COL15A1: variants seen among roughly 807,000 people sequenced by gnomAD.
The protein encoded by COL15A1 is collagen alpha-1(XV) chain.
A neutral mutation model predicts 165.9 loss-of-function variants in COL15A1; 111 were observed. That is an observed-to-expected ratio of 0.67 (90% CI 0.57 to 0.78). COL15A1 has a LOEUF of 0.78. COL15A1 is among the 30% of genes least tolerant of loss of function. The probability of loss-of-function intolerance (pLI) is 0.00; values close to 1 mark genes in which losing one functional copy is unlikely to be tolerated. For missense variants in COL15A1, 1,745 were observed against 1,789.7 expected (o/e 0.98, Z 0.45); for synonymous variants, 659 against 674.8 (o/e 0.98, Z 0.36).
chr9:99,000,105 A>T (rs936091283), intron 6 of COL15A1, among the ~76,000 whole-genome samples: 3 of 152,150 alleles, frequency 2.0e-5, no homozygotes, highest in Non-Finnish European at 4.4e-5. Context: ...TCCTGACCTC[A>T]AGTGATCTGC....
At chr9:99,031,840 C>T (rs1016451715) in intron 16 of COL15A1, among the ~76,000 whole-genome samples, 2 of 152,170 alleles carry the variant, frequency 1.3e-5, no homozygotes, top group South Asian at 2.1e-4. Flanking sequence ...CCTATTTCCT[C>T]TTTAATTATT....
chr9:98,988,954 A>C (rs990109506), intron 4 of COL15A1, among the ~76,000 whole-genome samples: 7 of 151,692 alleles, frequency 4.6e-5, no homozygotes, highest in African/African-American at 1.7e-4. Context: ...AAAATAAATA[A>C]ATAAAACAAA....
chr9:99,066,820 GGT>G, intron 39 of COL15A1, 60 bp from the exon 40 acceptor site: 1 of 1,455,742 alleles, frequency 6.9e-7, no homozygotes, highest in South Asian at 1.3e-5. Flanking sequence ...AATGTGAGAT[GGT>G]TCTGGGGGCT....
chr9:99,035,594 A>G (rs909002573), intron 19 of COL15A1, among the ~76,000 whole-genome samples, 176 bp downstream of exon 19: 2 of 152,184 alleles, frequency 1.3e-5, no homozygotes, highest in Admixed American at 6.5e-5. Flanking sequence ...GTCTTTGAGG[A>G]ACAGCATAGA....
chr9:99,066,624 T>TTTTTTTTTA (rs1296354575), intron 39 of COL15A1, among the ~76,000 whole-genome samples: 1 of 141,170 alleles, frequency 7.1e-6, no homozygotes, highest in Non-Finnish European at 1.5e-5. Flanking sequence ...TTTTTTTTTT[T>TTTTTTTTTA]CACCTAAGGA....
intron 7 of COL15A1, among the ~76,000 whole-genome samples, chr9:99,003,184 A>C (rs1374245393): frequency 2.6e-5 from 4 of 152,266 alleles, no homozygotes; most frequent in Non-Finnish European, 5.9e-5. Flanking sequence ...CAGTAGAAGT[A>C]TCTAGAGCTA....
intron 39 of COL15A1, among the ~76,000 whole-genome samples, chr9:99,064,169 A>G (rs1290524696): frequency 6.6e-6 from 1 of 152,064 alleles, no homozygotes; most frequent in Non-Finnish European, 1.5e-5. Context: ...TCACCCTGGC[A>G]CTGATTCTTG....
At chr9:99,024,396 G>A (rs377406954) in intron 14 of COL15A1, among the ~76,000 whole-genome samples, 3 of 149,646 alleles carry the variant, frequency 2.0e-5, no homozygotes, top group Admixed American at 6.7e-5. Context: ...TCCATTCTCC[G>A]GCCTCAGCCT....
intron 35 of COL15A1, among the ~76,000 whole-genome samples, chr9:99,058,651 T>G (rs1825765130): frequency 6.6e-6 from 1 of 152,236 alleles, no homozygotes; most frequent in African/African-American, 2.4e-5. Flanking sequence ...CATTATCCCA[T>G]GTAGTCTTCA....
At chr9:99,006,345 G>T (rs1770807922) in intron 9 of COL15A1, among the ~76,000 whole-genome samples, 1 of 152,220 alleles carries the variant, frequency 6.6e-6, no homozygotes, top group African/African-American at 2.4e-5. Flanking sequence ...CTTCATTCCT[G>T]ACCAATGATA....
chr9:98,959,388 AG>A (rs1204366243), intron 2 of COL15A1, among the ~76,000 whole-genome samples: 2 of 152,020 alleles, frequency 1.3e-5, no homozygotes, highest in African/African-American at 2.4e-5. Context: ...ACAAAGCTAC[AG>A]TACTCTTTCC....
At chr9:98,965,282 C>G (rs1432709674) in intron 2 of COL15A1, among the ~76,000 whole-genome samples, 2 of 152,212 alleles carry the variant, frequency 1.3e-5, no homozygotes, top group African/African-American at 4.8e-5. Context: ...CTTGGCTGGA[C>G]ATTTGAGGCT....
At chr9:98,991,612 C>T (rs1838431955) in intron 5 of COL15A1, among the ~76,000 whole-genome samples, 1 of 152,066 alleles carries the variant, frequency 6.6e-6, no homozygotes, top group African/African-American at 2.4e-5. Context: ...ACACAGAGCA[C>T]TAATTGGTGC....
intron 2 of COL15A1, among the ~76,000 whole-genome samples, chr9:98,973,025 C>G (rs1838086189): frequency 6.6e-6 from 1 of 152,152 alleles, no homozygotes; most frequent in Admixed American, 6.5e-5. Flanking sequence ...CGTTGCCTGC[C>G]TCCTGGCAGA....
At chr9:98,999,366 GC>G (rs1293600791) in intron 6 of COL15A1, among the ~76,000 whole-genome samples, 1 of 152,100 alleles carries the variant, frequency 6.6e-6, no homozygotes, top group Non-Finnish European at 1.5e-5. Context: ...ACCAGGATCT[GC>G]CCACCTGCAG....
At chr9:98,988,765 A>T (rs539908172) in intron 4 of COL15A1, among the ~76,000 whole-genome samples, 7 of 152,076 alleles carry the variant, frequency 4.6e-5, no homozygotes, top group African/African-American at 1.7e-4. Flanking sequence ...TCTACAAAAA[A>T]TACAAAAATT....
At chr9:99,008,717 C>T (rs756656164) in intron 9 of COL15A1, among the ~76,000 whole-genome samples, 3 of 152,176 alleles carry the variant, frequency 2.0e-5, no homozygotes, top group African/African-American at 4.8e-5. Flanking sequence ...TCAAGTGATT[C>T]TCATGGCTCA....
chr9:99,012,501 G>C (rs544733859), intron 9 of COL15A1, among the ~76,000 whole-genome samples: 1 of 152,280 alleles, frequency 6.6e-6, no homozygotes, highest in South Asian at 2.1e-4. Context: ...AGAAAGCAGA[G>C]AGATAGAGAA....
At chr9:98,969,615 C>A (rs1366463845) in intron 2 of COL15A1, among the ~76,000 whole-genome samples, 1 of 152,146 alleles carries the variant, frequency 6.6e-6, no homozygotes, top group Admixed American at 6.5e-5. Context: ...AGGGAGGTGC[C>A]CAGTGTTGAT....
Sources: gnomAD v4.1 joint callset for allele counts (sites outside exome capture counted in the v4.1 genomes callset) on GRCh38, gnomAD v4.1.1 for gene constraint, MANE v1.5 for transcripts, NCBI Gene and HGNC (gene_info 2026-07-23, HGNC 2026-07-21) for gene names.